Variants in MAP4 observed in about 807,000 individuals in gnomAD.
MAP4 encodes microtubule associated protein 4.
Under a neutral mutation model 170.2 loss-of-function variants are expected in MAP4, and 76 were observed. The observed-to-expected ratio is 0.45, with a 90% confidence interval of 0.37 to 0.54. The LOEUF (loss-of-function observed/expected upper bound fraction) is 0.54. Ranked by LOEUF, MAP4 falls within the 20% of genes least tolerant of loss-of-function variation. The pLI is 0.00. For synonymous variants in MAP4, 909 were observed against 994.5 expected, an observed-to-expected ratio of 0.91 and a Z score of 1.62; for missense variants, 2,506 against 2,748.0, an observed-to-expected ratio of 0.91 and a Z score of 1.97.
chr3:48,051,092 CCACACA>C lies in MAP4; in HGVS notation c.-20+37675_-20+37680del, dbSNP rs145028487. Reference sequence around the variant, plus strand: ...ATCACCTTTGAAAACCATTCAATTTCCACACACACACACACACACACACACACACAC... The same window carrying C: ...ATCACCTTTGAAAACCATTCAATTTCCACACACACACACACACACACACAC... On this transcript the variant is annotated intron_variant, in intron 1 of 18. Coordinates refer to the MAP4 transcript ENST00000360240. Among the ~76,000 whole-genome samples, 60 of 144,018 alleles carry C rather than the reference CCACACA, an allele frequency of 4.2e-4. 1 individual carries two copies. Among genetic ancestry groups the C allele is most frequent in the African/African-American group, 1.3e-3 (50 of 38,768 alleles). 94.5% of individuals were successfully genotyped at this position (144,018 alleles called of 152,430 possible). A position where few individuals can be genotyped will look rare whatever the true frequency, so the allele number is the denominator to read the frequency against.
intron 4 of MAP4, among the ~76,000 whole-genome samples, chr3:47,926,994 G>C (rs545185857): frequency 6.6e-6 from 1 of 152,030 alleles, no homozygotes; most frequent in South Asian, 2.1e-4. Context: ...GTGAAACCTG[G>C]TCTCTACTAA....
chr3:47,991,935 T>C (rs1325788681), intron 2 of MAP4, among the ~76,000 whole-genome samples: 1 of 151,380 alleles, frequency 6.6e-6, no homozygotes, highest in Non-Finnish European at 1.5e-5. Flanking sequence ...CCTCCCAAAG[T>C]GCTGGGATTA....
chr3:48,049,657 G>A (rs1246666647), intron 1 of MAP4, among the ~76,000 whole-genome samples: 2 of 149,058 alleles, frequency 1.3e-5, no homozygotes, highest in East Asian at 4.0e-4. Flanking sequence ...TTAAGGCCAG[G>A]TGTGGTGGCT....
At chr3:48,027,246 C>A (rs1186919175) in intron 1 of MAP4, among the ~76,000 whole-genome samples, 1 of 152,184 alleles carries the variant, frequency 6.6e-6, no homozygotes, top group Non-Finnish European at 1.5e-5. Context: ...ACCTTAAATT[C>A]TCCAGTTTAC....
intron 10 of MAP4, among the ~76,000 whole-genome samples, chr3:47,884,969 G>T (rs1229597872): frequency 6.6e-6 from 1 of 152,138 alleles, no homozygotes; most frequent in Admixed American, 6.6e-5. Flanking sequence ...TGCTGAGTAT[G>T]GAGTGGACAA....
chr3:47,993,002 G>A (rs2100093313), intron 2 of MAP4, among the ~76,000 whole-genome samples: 1 of 151,594 alleles, frequency 6.6e-6, no homozygotes, highest in South Asian at 2.1e-4. Context: ...TTTGAAAAGA[G>A]CCCCTAATAA....
intron 3 of MAP4, among the ~76,000 whole-genome samples, chr3:47,962,691 GAA>G (rs1370114142): frequency 6.6e-6 from 1 of 152,124 alleles, no homozygotes; most frequent in East Asian, 1.9e-4. Context: ...AAGAAAAAAT[GAA>G]AGATGTTTAA....
chr3:48,029,090 A>G (rs2100114598), intron 1 of MAP4, among the ~76,000 whole-genome samples: 1 of 151,660 alleles, frequency 6.6e-6, no homozygotes, highest in Admixed American at 6.6e-5. Flanking sequence ...AGGATGAGTG[A>G]GTCGAAATTG....
chr3:48,031,886 CACACAT>C (rs1422383811), intron 1 of MAP4, among the ~76,000 whole-genome samples: 1 of 151,964 alleles, frequency 6.6e-6, no homozygotes, highest in East Asian at 1.9e-4. Context: ...CACATACACA[CACACAT>C]ACACACACAC....
intron 1 of MAP4, among the ~76,000 whole-genome samples, chr3:48,061,153 C>T (rs186091550): frequency 5.3e-4 from 80 of 151,970 alleles, no homozygotes; most frequent in African/African-American, 1.9e-3. Context: ...ACCCAAAGAG[C>T]TCTTAAAATT....
intron 3 of MAP4, among the ~76,000 whole-genome samples, chr3:47,933,265 G>T (rs2100050899): frequency 6.6e-6 from 1 of 152,080 alleles, no homozygotes; most frequent in South Asian, 2.1e-4. Context: ...ATGGGCTCAA[G>T]GGAACTTTTA....
chr3:47,990,839 T>C (rs1222925535), intron 2 of MAP4, among the ~76,000 whole-genome samples: 1 of 4,096 alleles, frequency 2.4e-4, no homozygotes, highest in Non-Finnish European at 0.019. Flanking sequence ...TAATTTTCTT[T>C]TTATTTTTTT....
intron 3 of MAP4, among the ~76,000 whole-genome samples, chr3:47,942,140 A>C (rs1327850513): frequency 1.3e-5 from 2 of 152,178 alleles, no homozygotes; most frequent in East Asian, 3.8e-4. Context: ...GAAATCCAAG[A>C]CAAAGTTCAG....
At chr3:48,086,152 TCACACACACA>T (rs373452472) in intron 1 of MAP4, among the ~76,000 whole-genome samples, 3 of 148,386 alleles carry the variant, frequency 2.0e-5, no homozygotes, top group South Asian at 2.1e-4. Context: ...ATACACACAC[TCACACACACA>T]CACACACACA....
intron 10 of MAP4, among the ~76,000 whole-genome samples, chr3:47,898,801 T>A (rs2100028445): frequency 6.6e-6 from 1 of 151,780 alleles, no homozygotes; most frequent in Admixed American, 6.6e-5. Context: ...AAGAAAAAAA[T>A]GTTTTTTAGC....
chr3:48,037,527 T>C (rs2100119323), intron 1 of MAP4, among the ~76,000 whole-genome samples: 2 of 152,062 alleles, frequency 1.3e-5, no homozygotes, highest in Admixed American at 6.6e-5. Flanking sequence ...CCCAAGTAGC[T>C]GGAACTCCAA....
intron 1 of MAP4, among the ~76,000 whole-genome samples, chr3:48,004,552 G>A (rs2100101168): frequency 6.6e-6 from 1 of 152,220 alleles, no homozygotes; most frequent in Admixed American, 6.5e-5. Flanking sequence ...ATTGCCCTGA[G>A]TGAGAGTCTT....
chr3:47,871,008 TCG>T lies in MAP4; in HGVS notation c.6097_6098del (p.Arg2033SerfsTer43). ...GGGAGGGCATGGGTGTGGCCTTGAC[TCG>T]GCTGGGAACCACCCCTGCAGCGGGG... Reference protein sequence around the residue: ...TAPAAGVVPSRVKATPMPSRP... With the variant: ...TAPAAGVVPSXVKATPMPSRP... On this transcript the variant is annotated frameshift_variant, in exon 15 of 21. Transcript: ENST00000683076. LOFTEE classifies it high-confidence loss of function. 6.2e-7 allele frequency: 1 copy of T among 1,614,094 alleles called. No homozygotes were observed. The highest frequency in any genetic ancestry group is 8.5e-7 in the Non-Finnish European group (1 of 1,179,970).
At chr3:48,079,042 G>A (rs138559378) in intron 1 of MAP4, among the ~76,000 whole-genome samples, 145 of 152,112 alleles carry the variant, frequency 9.5e-4, no homozygotes, top group African/African-American at 3.2e-3. Flanking sequence ...ATGGTGGCAC[G>A]TGCCTATAAT....
Sources: allele counts gnomAD v4.1 joint callset (sites outside exome capture counted in the v4.1 genomes callset), GRCh38; gene constraint gnomAD v4.1.1; transcripts MANE v1.5; gene names NCBI Gene and HGNC (gene_info 2026-07-23, HGNC 2026-07-21).